The following PLEKHM2 variants were observed in gnomAD, a reference collection of about 807,000 sequenced individuals.
The protein encoded by PLEKHM2 is pleckstrin homology and RUN domain containing M2, also known as pleckstrin homology domain-containing family M member 2.
In PLEKHM2, 77 loss-of-function variants were observed where a neutral mutation model predicts 116.3. That is an observed-to-expected ratio of 0.66 (90% CI 0.55 to 0.80). The LOEUF (loss-of-function observed/expected upper bound fraction) is 0.80. Ranked by LOEUF, PLEKHM2 falls within the 30% of genes least tolerant of loss-of-function variation. The probability of loss-of-function intolerance (pLI) is 0.00; values close to 1 mark genes in which losing one functional copy is unlikely to be tolerated. For missense variants in PLEKHM2, 1,183 were observed against 1,354.9 expected (o/e 0.87, Z 1.99); for synonymous variants, 562 against 571.0 (o/e 0.98, Z 0.22).
Position 15,728,959 on chromosome 1 carries a change from A to T in PLEKHM2, c.1987-143A>T. On this transcript the variant is annotated intron_variant, in intron 12 of 19. Coordinates refer to ENST00000375799, the MANE Select transcript of PLEKHM2 (RefSeq NM_015164.4). The surrounding 1 kb of genome is among the most constrained non-coding windows in gnomAD (Gnocchi z 5.9). ...TGACCGTCCCTCCCTCACTCATGCC[A>T]GCCCCTGGCCTCTGGGGCTTTACTT... 1.2e-6 allele frequency: 1 copy of T among 825,540 alleles called. No homozygotes were observed. The highest frequency in any genetic ancestry group is 2.0e-6 in the Non-Finnish European group (1 of 508,068). 51.1% of individuals were successfully genotyped at this position (825,540 alleles called of 1,614,324 possible). A position where few individuals can be genotyped will look rare whatever the true frequency, so the allele number is the denominator to read the frequency against.
In PLEKHM2 at chr1:15,729,997, G is replaced by C; in HGVS notation, c.2208+68G>C. The C allele has an allele frequency of 7.9e-7, 1 of 1,272,348 alleles. No individual in the cohort carries two copies. Among genetic ancestry groups the C allele is most frequent in the Non-Finnish European group, 1.1e-6 (1 of 951,548 alleles). The allele number at this position is 1,272,348 out of a possible 1,614,324, so 78.8% of individuals were successfully genotyped here. A position where few individuals can be genotyped will look rare whatever the true frequency, so the allele number is the denominator to read the frequency against. On this transcript the variant is annotated intron_variant, in intron 14 of 19. Coordinates refer to ENST00000375799, the MANE Select transcript of PLEKHM2 (RefSeq NM_015164.4). The surrounding 1 kb of genome is among the most constrained non-coding windows in gnomAD (Gnocchi z 4.7). ...CAGAGCAGCAGCCGCCTTGGCGTGA[G>C]CGTTAAGGGATGCACGTGGATGTCT...
intron 1 of PLEKHM2, among the ~76,000 whole-genome samples, chr1:15,691,547 C>G (rs563555670): frequency 6.6e-6 from 1 of 152,320 alleles, no homozygotes; most frequent in African/African-American, 2.4e-5. Context: ...CCTCAGTCTC[C>G]CACCCACTTC....
At chr1:15,687,351 T>A (rs1161357195) in intron 1 of PLEKHM2, among the ~76,000 whole-genome samples, 2 of 151,934 alleles carry the variant, frequency 1.3e-5, no homozygotes, top group African/African-American at 4.8e-5. Flanking sequence ...TTTTTTTGTA[T>A]TTTTAGTAGA....
chr1:15,728,662 C>G lies in PLEKHM2; in HGVS notation c.1922-7C>G. ...GGGATAATAGGCCTTGGGGTTTCCTCTCTCAGGGGCCACAGAGAAGCCATA... is the reference window on the plus strand; with the variant it reads ...GGGATAATAGGCCTTGGGGTTTCCTGTCTCAGGGGCCACAGAGAAGCCATA... On this transcript the variant is annotated splice_polypyrimidine_tract_variant and splice_region_variant and intron_variant, in intron 11 of 19. Transcript: ENST00000375799. This position sits in a 1 kb window ranked among gnomAD's most constrained non-coding sequence, Gnocchi z 5.9. 6.2e-7 allele frequency: 1 copy of G among 1,607,496 alleles called. No individual in the cohort carries two copies. The highest frequency in any genetic ancestry group is 1.1e-5 in the South Asian group (1 of 89,834).
intron 1 of PLEKHM2, among the ~76,000 whole-genome samples, chr1:15,701,123 A>AAAAG (rs1641101561): frequency 1.5e-5 from 2 of 137,822 alleles, no homozygotes; most frequent in Non-Finnish European, 1.6e-5. Context: ...CAAAAAAAAA[A>AAAAG]AAAAAAGGGG....
intron 1 of PLEKHM2, among the ~76,000 whole-genome samples, chr1:15,713,109 A>T (rs1357410763): frequency 6.6e-6 from 1 of 150,706 alleles, no homozygotes; most frequent in Non-Finnish European, 1.5e-5. Flanking sequence ...CTAATTTTTA[A>T]TTTTTTGTTT....
At chr1:15,699,985 C>A (rs1469228257) in intron 1 of PLEKHM2, among the ~76,000 whole-genome samples, 1 of 142,186 alleles carries the variant, frequency 7.0e-6, no homozygotes, top group African/African-American at 3.0e-5. Context: ...AGTGAGCCCC[C>A]ATCTCAAAAA....
Position 15,728,627 on chromosome 1 carries a change from GAGGCCTGTGGGGATAAT to G in PLEKHM2, c.1922-35_1922-19del. The G allele has an allele frequency of 6.5e-7, 1 of 1,534,378 alleles. No individual in the cohort carries two copies. Among genetic ancestry groups the G allele is most frequent in the Non-Finnish European group, 8.9e-7 (1 of 1,119,330 alleles). Reference sequence around the variant, plus strand: ...GAAAATGGGGCAGGGGGAGGGAAAAGAGGCCTGTGGGGATAATAGGCCTTGGGGTTTCCTCTCTCAGG... The same window carrying G: ...GAAAATGGGGCAGGGGGAGGGAAAAGAGGCCTTGGGGTTTCCTCTCTCAGG... On this transcript the variant is annotated intron_variant, in intron 11 of 19. Coordinates refer to ENST00000375799, the MANE Select transcript of PLEKHM2 (RefSeq NM_015164.4). This position sits in a 1 kb window ranked among gnomAD's most constrained non-coding sequence, Gnocchi z 5.9.
chr1:15,716,097 T>A, intron 1 of PLEKHM2, 140 bp from the exon 2 acceptor site: 1 of 589,650 alleles, frequency 1.7e-6, no homozygotes, highest in South Asian at 2.0e-5. Context: ...GGGACAGGGG[T>A]GGTTTGAGGT....
intron 1 of PLEKHM2, among the ~76,000 whole-genome samples, chr1:15,696,220 G>T (rs1036745925): frequency 4.6e-5 from 7 of 152,168 alleles, no homozygotes; most frequent in Non-Finnish European, 8.8e-5. Context: ...TCTGGCTCTT[G>T]CTCTTTCCCA....
intron 1 of PLEKHM2, among the ~76,000 whole-genome samples, chr1:15,707,456 A>G (rs1571038815): frequency 1.3e-5 from 2 of 152,232 alleles, no homozygotes; most frequent in East Asian, 3.9e-4. Context: ...TCATAGCACA[A>G]AAGCAGCCAC....
intron 7 of PLEKHM2, among the ~76,000 whole-genome samples, chr1:15,723,658 T>A (rs752930702): frequency 4.1e-5 from 6 of 145,312 alleles, no homozygotes; most frequent in South Asian, 2.2e-4. Context: ...GGCAGGAGGA[T>A]CACTTGAACC....
intron 1 of PLEKHM2, among the ~76,000 whole-genome samples, chr1:15,703,389 G>A (rs1641157955): frequency 6.6e-6 from 1 of 152,180 alleles, no homozygotes; most frequent in Non-Finnish European, 1.5e-5. Context: ...TGTAAATAGG[G>A]AAGTGTGACC....
At chr1:15,704,409 C>A (rs1641180538) in intron 1 of PLEKHM2, among the ~76,000 whole-genome samples, 1 of 151,970 alleles carries the variant, frequency 6.6e-6, no homozygotes. Flanking sequence ...ACCGAAGCCC[C>A]ATGTTCAGCT....
At chr1:15,720,019 C>G in intron 6 of PLEKHM2, 99 bp downstream of exon 6, 2 of 1,008,962 alleles carry the variant, frequency 2.0e-6, no homozygotes, top group Non-Finnish European at 2.9e-6. Flanking sequence ...TAGTTTTGGT[C>G]TGGTGGCTGA....
intron 14 of PLEKHM2, 71 bp from the exon 15 acceptor site, chr1:15,730,461 C>T: frequency 8.0e-7 from 1 of 1,256,344 alleles, no homozygotes; most frequent in Non-Finnish European, 1.1e-6. Flanking sequence ...AAAAAAGAAC[C>T]AGTCCGGGCT....
At chr1:15,716,958 A>G in intron 3 of PLEKHM2, 142 bp downstream of exon 3, 1 of 1,029,322 alleles carries the variant, frequency 9.7e-7, no homozygotes, top group Non-Finnish European at 1.4e-6. Context: ...GGGGTGTTAA[A>G]ATGCCAGCAC....
Position 15,716,220 on chromosome 1 carries a change from G to A in PLEKHM2, c.61-17G>A, listed in dbSNP as rs750614111. 2 of 1,383,078 alleles carry A rather than the reference G, an allele frequency of 1.4e-6. No homozygotes were observed. Among genetic ancestry groups the A allele is most frequent in the African/African-American group, 1.5e-5 (1 of 67,306 alleles). 85.7% of individuals were successfully genotyped at this position (1,383,078 alleles called of 1,614,324 possible). On this transcript the variant is annotated splice_polypyrimidine_tract_variant and intron_variant, in intron 1 of 19. Transcript: ENST00000375799. ...CTTAATCCATTTCTGATTTGGAGGTGTTTTTTTTTCTTTCAGTTGCAGAGC... is the reference window on the plus strand; with the variant it reads ...CTTAATCCATTTCTGATTTGGAGGTATTTTTTTTTCTTTCAGTTGCAGAGC...
chr1:15,690,070 T>G (rs534399837), intron 1 of PLEKHM2, among the ~76,000 whole-genome samples: 4,153 of 124,518 alleles, frequency 0.033, 194 homozygotes, highest in Admixed American at 0.13. Context: ...TTTTTTTTTT[T>G]TTTGTTTTGT....
Sources: allele counts gnomAD v4.1 joint callset (sites outside exome capture counted in the v4.1 genomes callset), GRCh38; gene constraint gnomAD v4.1.1; non-coding constraint Gnocchi (gnomAD v3.1); transcripts MANE v1.5; gene names NCBI Gene and HGNC (gene_info 2026-07-23, HGNC 2026-07-21).